Variants in SAMD13 observed in about 807,000 individuals in gnomAD.
SAMD13 encodes sterile alpha motif domain-containing protein 13.
In SAMD13, 9 loss-of-function variants were observed where a neutral mutation model predicts 12.4. That is an observed-to-expected ratio of 0.72 (90% CI 0.44 to 1.26). The LOEUF (loss-of-function observed/expected upper bound fraction) is 1.26, where lower values mean the gene tolerates loss of function less well. Among genes scored for constraint, SAMD13 ranks in the 50% most tolerant of loss-of-function variants. The pLI is 0.00. For synonymous variants in SAMD13, 46 were observed against 45.4 expected, an observed-to-expected ratio of 1.01 and a Z score of -0.05; for missense variants, 84 against 119.6, an observed-to-expected ratio of 0.70 and a Z score of 1.39.
At chr1:84,299,658 T>A, upstream of SAMD13, 1 of 682,974 alleles carries the variant, frequency 1.5e-6, no homozygotes, top group Non-Finnish European at 1.8e-6. Context: ...AGTACTAGTG[T>A]ATATATATAT....
At chr1:84,299,100 AC>A (rs1678381684), upstream of SAMD13, among the ~76,000 whole-genome samples, 1 of 151,574 alleles carries the variant, frequency 6.6e-6, no homozygotes, top group South Asian at 2.1e-4. Context: ...TGCCCCTGAG[AC>A]GCCATTCCCG....
At chr1:84,329,320 T>G (rs956151549) in intron 3 of SAMD13, among the ~76,000 whole-genome samples, 9 of 152,172 alleles carry the variant, frequency 5.9e-5, no homozygotes, top group African/African-American at 2.2e-4. Context: ...CTGCCCAATC[T>G]ATGGTATCTT....
intron 2 of SAMD13, among the ~76,000 whole-genome samples, chr1:84,317,090 A>G (rs1253031754): frequency 6.6e-6 from 1 of 152,050 alleles, no homozygotes; most frequent in Non-Finnish European, 1.5e-5. Context: ...ATTCATTCTC[A>G]CAGGTTTTTT....
intron 3 of SAMD13, among the ~76,000 whole-genome samples, chr1:84,334,216 T>C (rs1679250837): frequency 6.6e-6 from 1 of 152,122 alleles, no homozygotes; most frequent in African/African-American, 2.4e-5. Context: ...TTTTTATTCC[T>C]GATTCAATTT....
intron 3 of SAMD13, among the ~76,000 whole-genome samples, chr1:84,347,775 C>T (rs748295052): frequency 6.6e-6 from 1 of 152,128 alleles, no homozygotes; most frequent in Admixed American, 6.5e-5. Context: ...TTCCAGGGGC[C>T]AGAGGCTCCT....
intron 3 of SAMD13, among the ~76,000 whole-genome samples, chr1:84,347,531 A>G (rs1679557850): frequency 6.6e-6 from 1 of 152,202 alleles, no homozygotes; most frequent in South Asian, 2.1e-4. Flanking sequence ...GAGTTAGTCG[A>G]GGAAGTTTTC....
intron 3 of SAMD13, among the ~76,000 whole-genome samples, chr1:84,338,330 A>C (rs1243098522): frequency 1.3e-5 from 2 of 151,510 alleles, no homozygotes; most frequent in African/African-American, 4.8e-5. Flanking sequence ...ATGGCTGGGG[A>C]GGCCTCACAA....
At chr1:84,303,375 A>G (rs1558435046) in intron 2 of SAMD13, 88 bp downstream of exon 2, 3 of 1,085,448 alleles carry the variant, frequency 2.8e-6, no homozygotes, top group East Asian at 2.6e-5. Flanking sequence ...ATCTACTACA[A>G]TACACAGTTT....
At chr1:84,303,049 A>G in intron 1 of SAMD13, 154 bp from the exon 2 acceptor site, 3 of 585,710 alleles carry the variant, frequency 5.1e-6, no homozygotes, top group South Asian at 4.0e-5. Context: ...GTTTAATCAC[A>G]TCTCTCCAAT....
chr1:84,309,739 G>GA, intron 2 of SAMD13, among the ~76,000 whole-genome samples: 1 of 152,022 alleles, frequency 6.6e-6, no homozygotes, highest in Non-Finnish European at 1.5e-5. Flanking sequence ...AAATACCAGA[G>GA]AAAAATGTCC....
upstream of SAMD13, among the ~76,000 whole-genome samples, chr1:84,299,189 G>A (rs554025147): frequency 1.3e-5 from 2 of 152,248 alleles, no homozygotes; most frequent in South Asian, 4.1e-4. Flanking sequence ...GGCAGGGCCG[G>A]CGGCTCCTTT....
chr1:84,327,074 G>A (rs941189280), intron 3 of SAMD13, among the ~76,000 whole-genome samples: 2 of 152,110 alleles, frequency 1.3e-5, no homozygotes, highest in Non-Finnish European at 2.9e-5. Context: ...TGATGCAGCA[G>A]TTTTACTCCT....
intron 2 of SAMD13, chr1:84,304,103 C>T (rs1455789328): frequency 6.6e-6 from 1 of 152,076 alleles, no homozygotes; most frequent in East Asian, 1.9e-4. Context: ...TCCATAGAAG[C>T]TGTGATATCT....
Position 84,315,876 on chromosome 1 carries a change from C to T in SAMD13, c.54-9761C>T, listed in dbSNP as rs576005138. The stretch of plus-strand genomic sequence containing the variant: ...TATGATTTATTCACATCCTTGCCAA[C>T]ATTTGTCATTGTTGTTTTGGTAATA... On this transcript the variant is annotated intron_variant, in intron 2 of 3. Transcript: ENST00000394834. Among the ~76,000 whole-genome samples the T allele has an allele frequency of 1.2e-4, 19 of 152,228 alleles. No individual in the cohort carries two copies. In the South Asian group the frequency reaches 3.3e-3, roughly 27 times the overall value.
intron 2 of SAMD13, among the ~76,000 whole-genome samples, chr1:84,306,137 T>G (rs1216500474): frequency 2.0e-5 from 3 of 152,208 alleles, no homozygotes; most frequent in Non-Finnish European, 4.4e-5. Flanking sequence ...TTTGCTTATG[T>G]CTTCTTTAAT....
At chr1:84,337,147 G>A (rs1468093690) in intron 3 of SAMD13, among the ~76,000 whole-genome samples, 1 of 152,144 alleles carries the variant, frequency 6.6e-6, no homozygotes, top group African/African-American at 2.4e-5. Flanking sequence ...TTTTCTGGGT[G>A]CACGGTGCAA....
upstream of SAMD13, chr1:84,298,581 C>CT (rs1488655946): frequency 1.3e-5 from 17 of 1,285,494 alleles, no homozygotes; most frequent in Admixed American, 3.4e-5. Context: ...AGTGATCTGC[C>CT]TGTGCGCCCA....
intron 3 of SAMD13, chr1:84,344,908 CAG>C (rs1193119516): frequency 2.2e-6 from 1 of 456,666 alleles, no homozygotes; most frequent in Non-Finnish European, 4.4e-6. Flanking sequence ...AAAAGGGAAA[CAG>C]AGGAGATGGC....
chr1:84,339,030 A>G (rs150859117), intron 3 of SAMD13, among the ~76,000 whole-genome samples: 304 of 152,272 alleles, frequency 2.0e-3, no homozygotes, highest in Non-Finnish European at 3.3e-3. Flanking sequence ...TAAAATGACC[A>G]TTTCATCTTT....
Sources: gnomAD v4.1 joint callset for allele counts (sites outside exome capture counted in the v4.1 genomes callset) on GRCh38, gnomAD v4.1.1 for gene constraint, MANE v1.5 for transcripts, NCBI Gene and HGNC (gene_info 2026-07-23, HGNC 2026-07-21) for gene names.